The following TMEM132D variants were observed in gnomAD, a reference collection of about 807,000 sequenced individuals.
The protein encoded by TMEM132D is transmembrane protein 132D, also known as mature OL transmembrane protein.
In TMEM132D, 21 loss-of-function variants were observed where a neutral mutation model predicts 62.3. The ratio of observed to expected loss-of-function variants is 0.34; its 90% CI spans 0.24 to 0.49. The LOEUF is 0.49. Ranked by LOEUF, TMEM132D falls within the 20% of genes least tolerant of loss-of-function variation. TMEM132D has a pLI of 0.99. For synonymous variants in TMEM132D, 621 were observed against 575.6 expected (o/e 1.08, Z -1.13); for missense variants, 1,346 against 1,402.8 (o/e 0.96, Z 0.65).
intron 1 of TMEM132D, among the ~76,000 whole-genome samples, chr12:129,820,317 A>G (rs1319222841): frequency 6.6e-6 from 1 of 152,096 alleles, no homozygotes; most frequent in Non-Finnish European, 1.5e-5. Context: ...CGTCCCAACA[A>G]CCCTGTGTGA....
At chr12:129,327,114 G>A (rs1027823385) in intron 4 of TMEM132D, among the ~76,000 whole-genome samples, 1 of 152,048 alleles carries the variant, frequency 6.6e-6, no homozygotes, top group Non-Finnish European at 1.5e-5. Context: ...TGGAGCGCAC[G>A]GCCATCGACA....
At chr12:129,532,674 C>T (rs1426863484) in intron 2 of TMEM132D, among the ~76,000 whole-genome samples, 3 of 152,166 alleles carry the variant, frequency 2.0e-5, no homozygotes, top group African/African-American at 7.2e-5. Flanking sequence ...GGTGCCTAGA[C>T]TGGGCAAATG....
chr12:129,174,479 T>C (rs151278667), intron 5 of TMEM132D, among the ~76,000 whole-genome samples: 2 of 152,356 alleles, frequency 1.3e-5, no homozygotes, highest in African/African-American at 2.4e-5. Flanking sequence ...AGTCTATCAT[T>C]GATGGACATC....
At chr12:129,292,570 G>A (rs369839772) in intron 4 of TMEM132D, among the ~76,000 whole-genome samples, 4 of 152,086 alleles carry the variant, frequency 2.6e-5, no homozygotes, top group Non-Finnish European at 5.9e-5. Context: ...ATTCAGTTTC[G>A]GATTTATAAA....
At chr12:129,395,050 C>CTGTATAAG (rs1370308745) in intron 3 of TMEM132D, among the ~76,000 whole-genome samples, 1 of 152,178 alleles carries the variant, frequency 6.6e-6, no homozygotes, top group Middle Eastern at 3.2e-3. Flanking sequence ...CGCCATGCCT[C>CTGTATAAG]TGTATAAGTG....
At chr12:129,714,354 T>A (rs1159201272) in intron 1 of TMEM132D, among the ~76,000 whole-genome samples, 4 of 152,196 alleles carry the variant, frequency 2.6e-5, no homozygotes, top group Non-Finnish European at 5.9e-5. Flanking sequence ...CAGACCCCCC[T>A]TTAACGGGTC....
intron 1 of TMEM132D, among the ~76,000 whole-genome samples, chr12:129,733,174 G>A (rs971801025): frequency 6.6e-6 from 1 of 152,152 alleles, no homozygotes; most frequent in Non-Finnish European, 1.5e-5. Flanking sequence ...ACCTGAAGGG[G>A]TGTGGGAAGG....
intron 4 of TMEM132D, among the ~76,000 whole-genome samples, chr12:129,274,868 C>G (rs1402088622): frequency 6.6e-6 from 1 of 152,214 alleles, no homozygotes; most frequent in Non-Finnish European, 1.5e-5. Context: ...GCCTGGGCGA[C>G]AGAGCGAGAC....
intron 4 of TMEM132D, among the ~76,000 whole-genome samples, chr12:129,216,379 G>A (rs928786834): frequency 1.3e-5 from 2 of 152,222 alleles, no homozygotes; most frequent in African/African-American, 4.8e-5. Flanking sequence ...GATGTGATTA[G>A]TTGAGACATG....
chr12:129,595,098 G>A (rs376343224), intron 2 of TMEM132D, among the ~76,000 whole-genome samples: 1 of 152,188 alleles, frequency 6.6e-6, no homozygotes, highest in East Asian at 1.9e-4. Context: ...CTAGAAACCT[G>A]ATCTCCTCAT....
intron 3 of TMEM132D, among the ~76,000 whole-genome samples, chr12:129,509,538 AC>A (rs889987305): frequency 3.9e-5 from 6 of 152,208 alleles, no homozygotes; most frequent in African/African-American, 1.4e-4. Context: ...GACTATAATC[AC>A]CCTGTTGTGC....
At chr12:129,463,120 G>A (rs921314892) in intron 3 of TMEM132D, among the ~76,000 whole-genome samples, 60 of 152,252 alleles carry the variant, frequency 3.9e-4, no homozygotes, top group Non-Finnish European at 7.5e-4. Flanking sequence ...GGAGAAGAGC[G>A]CTGAACCTAC....
At chr12:129,269,443 T>C (rs1473168036) in intron 4 of TMEM132D, among the ~76,000 whole-genome samples, 1 of 152,078 alleles carries the variant, frequency 6.6e-6, no homozygotes, top group Admixed American at 6.5e-5. Context: ...CCCTGTTAGA[T>C]TCCTAGTTAC....
At chr12:129,776,851 T>A (rs955408711) in intron 1 of TMEM132D, among the ~76,000 whole-genome samples, 1 of 148,178 alleles carries the variant, frequency 6.7e-6, no homozygotes, top group Non-Finnish European at 1.5e-5. Flanking sequence ...AAAAAAGACA[T>A]CTTTTATCAC....
intron 3 of TMEM132D, among the ~76,000 whole-genome samples, chr12:129,449,648 G>A (rs1304275162): frequency 6.6e-6 from 1 of 152,162 alleles, no homozygotes; most frequent in East Asian, 1.9e-4. Context: ...AGTGACAGGA[G>A]GTGGAATTCA....
intron 1 of TMEM132D, among the ~76,000 whole-genome samples, chr12:129,701,554 A>G (rs1881385998): frequency 1.3e-5 from 2 of 152,222 alleles, no homozygotes; most frequent in African/African-American, 4.8e-5. Context: ...GCCGTCACCA[A>G]CGAACAAAAT....
intron 4 of TMEM132D, among the ~76,000 whole-genome samples, chr12:129,271,340 CTT>C (rs2135600977): frequency 6.6e-6 from 1 of 151,964 alleles, no homozygotes; most frequent in South Asian, 2.1e-4. Context: ...GACTTGAAAT[CTT>C]AGACCTCTCC....
At chr12:129,871,604 G>C (rs529423220) in intron 1 of TMEM132D, among the ~76,000 whole-genome samples, 31 of 152,174 alleles carry the variant, frequency 2.0e-4, no homozygotes, top group Middle Eastern at 3.4e-3. Context: ...CTTAGGAAGT[G>C]TCTCAATATT....
In TMEM132D at chr12:129,439,602, C is replaced by T. The variant is rs117553118; in HGVS notation, c.1115+91457G>A. Among the ~76,000 whole-genome samples, 5 of 152,166 alleles carry T rather than the reference C, an allele frequency of 3.3e-5. No homozygotes were observed. In the East Asian group the frequency reaches 9.7e-4, roughly 30 times the overall value. ...GTAGCTGAGAACAGGTGCCCGCCAT[C>T]ACAACTGGCTAATTTTTGTATTTTT... On this transcript the variant is annotated intron_variant, in intron 3 of 8. Transcript: ENST00000422113.
Sources: allele counts gnomAD v4.1 joint callset (sites outside exome capture counted in the v4.1 genomes callset), GRCh38; gene constraint gnomAD v4.1.1; transcripts MANE v1.5; gene names NCBI Gene and HGNC (gene_info 2026-07-23, HGNC 2026-07-21).